Variants in DLG2 observed in about 807,000 individuals in gnomAD.
DLG2 encodes the protein disks large homolog 2.
DLG2 carries 45 observed loss-of-function variants against 132.5 expected under a neutral mutation model. The observed-to-expected ratio is 0.34, with a 90% CI of 0.27 to 0.44. The LOEUF (loss-of-function observed/expected upper bound fraction) is 0.44, where lower values mean the gene tolerates loss of function less well. DLG2 is among the 20% of genes least tolerant of loss of function. The pLI, the probability that DLG2 is intolerant of heterozygous loss-of-function variation, is 1.00. For synonymous variants in DLG2, 424 were observed against 419.6 expected (o/e 1.01, Z -0.13); for missense variants, 1,045 against 1,196.9 (o/e 0.87, Z 1.87).
intron 8 of DLG2, among the ~76,000 whole-genome samples, chr11:84,229,485 C>T (rs1214404595): frequency 1.3e-5 from 2 of 152,116 alleles, no homozygotes; most frequent in South Asian, 2.1e-4. Context: ...ATTGATGTAG[C>T]GTTGTGATAT....
chr11:84,706,968 T>C (rs1162862531), intron 6 of DLG2, among the ~76,000 whole-genome samples: 1 of 151,828 alleles, frequency 6.6e-6, no homozygotes, highest in Non-Finnish European at 1.5e-5. Flanking sequence ...GGGAGACTTG[T>C]ACACCAATGC....
intron 11 of DLG2, among the ~76,000 whole-genome samples, chr11:84,019,818 A>T (rs1249722766): frequency 6.6e-6 from 1 of 152,210 alleles, no homozygotes; most frequent in Non-Finnish European, 1.5e-5. Flanking sequence ...GTCATGGAAC[A>T]GATTCTCTCT....
chr11:84,435,971 G>A (rs2098999425), intron 7 of DLG2, among the ~76,000 whole-genome samples: 1 of 152,034 alleles, frequency 6.6e-6, no homozygotes, highest in Non-Finnish European at 1.5e-5. Context: ...TTTATAGGAA[G>A]AAAGGACTTT....
intron 7 of DLG2, among the ~76,000 whole-genome samples, chr11:84,379,465 T>C (rs1216859258): frequency 6.6e-6 from 1 of 151,896 alleles, no homozygotes; most frequent in African/African-American, 2.4e-5. Context: ...GAAAACTAGA[T>C]CTCAGGAAAT....
chr11:83,652,280 G>T (rs1357093879), intron 18 of DLG2, among the ~76,000 whole-genome samples: 1 of 152,126 alleles, frequency 6.6e-6, no homozygotes, highest in Non-Finnish European at 1.5e-5. Context: ...TGAAAAGGGG[G>T]AGAGGAACAA....
At chr11:84,714,131 TTC>T (rs2060743481) in intron 6 of DLG2, among the ~76,000 whole-genome samples, 1 of 151,898 alleles carries the variant, frequency 6.6e-6, no homozygotes, top group South Asian at 2.1e-4. Flanking sequence ...TTTTTTGAAT[TTC>T]TGTTTTTTTC....
At chr11:83,836,937 G>A (rs1272168379) in intron 16 of DLG2, among the ~76,000 whole-genome samples, 3 of 152,072 alleles carry the variant, frequency 2.0e-5, no homozygotes, top group Admixed American at 6.5e-5. Flanking sequence ...GAGACACAGA[G>A]CATTCACCTC....
chr11:84,591,979 G>T (rs1299598390), intron 6 of DLG2, among the ~76,000 whole-genome samples: 1 of 152,086 alleles, frequency 6.6e-6, no homozygotes, highest in Non-Finnish European at 1.5e-5. Context: ...TCAGCCTCCT[G>T]AGTAGCTGGG....
chr11:85,334,418 T>C (rs2081988530), intron 3 of DLG2, among the ~76,000 whole-genome samples: 1 of 152,126 alleles, frequency 6.6e-6, no homozygotes, highest in East Asian at 1.9e-4. Flanking sequence ...TAAATTTTCA[T>C]GTCTCAATTT....
intron 6 of DLG2, among the ~76,000 whole-genome samples, chr11:84,560,111 A>G (rs918277479): frequency 6.6e-6 from 1 of 152,110 alleles, no homozygotes; most frequent in African/African-American, 2.4e-5. Context: ...ATTCTTTTAT[A>G]TAATACTAGC....
At chr11:83,772,584 AAAG>A (rs1466283036) in intron 18 of DLG2, among the ~76,000 whole-genome samples, 2 of 151,736 alleles carry the variant, frequency 1.3e-5, no homozygotes, top group Non-Finnish European at 2.9e-5. Flanking sequence ...GAAAGAAAGA[AAAG>A]AGAGAGAGGA....
At chr11:84,356,540 G>C (rs1372028579) in intron 7 of DLG2, among the ~76,000 whole-genome samples, 3 of 152,050 alleles carry the variant, frequency 2.0e-5, no homozygotes, top group Admixed American at 1.3e-4. Context: ...CATAATGGCT[G>C]TGTGCCTTAT....
chr11:84,331,057 T>C (rs527964799), intron 7 of DLG2, among the ~76,000 whole-genome samples: 4 of 152,192 alleles, frequency 2.6e-5, no homozygotes, highest in Non-Finnish European at 5.9e-5. Context: ...TAAATGAATA[T>C]AAAATTTTTG....
At chr11:85,431,286 G>T (rs2091165395) in intron 3 of DLG2, among the ~76,000 whole-genome samples, 1 of 152,148 alleles carries the variant, frequency 6.6e-6, no homozygotes, top group South Asian at 2.1e-4. Flanking sequence ...CCAGTGTGGT[G>T]CAGTGGACCA....
intron 7 of DLG2, among the ~76,000 whole-genome samples, chr11:84,252,140 CTTTTTTTT>C (rs1176873990): frequency 1.8e-4 from 12 of 65,354 alleles, no homozygotes; most frequent in South Asian, 1.6e-3. Flanking sequence ...TTCTTTCTTT[CTTTTTTTT>C]TTTTTTTTTT....
At chr11:83,633,631 T>C (rs973496112) in intron 18 of DLG2, among the ~76,000 whole-genome samples, 4 of 152,062 alleles carry the variant, frequency 2.6e-5, no homozygotes, top group East Asian at 3.9e-4. Context: ...GGGAGGTAGA[T>C]GTGGTTATAA....
At chr11:83,810,044 T>G (rs1457637307) in intron 17 of DLG2, among the ~76,000 whole-genome samples, 1 of 152,148 alleles carries the variant, frequency 6.6e-6, no homozygotes, top group East Asian at 1.9e-4. Flanking sequence ...ACCAACAAAT[T>G]GTATAAACTA....
intron 7 of DLG2, among the ~76,000 whole-genome samples, chr11:84,450,607 C>T (rs888996476): frequency 1.3e-5 from 2 of 150,816 alleles, no homozygotes; most frequent in African/African-American, 4.9e-5. Flanking sequence ...TAATGGGGGC[C>T]TTAATTAGGG....
chr11:85,355,265 T>C (rs1311549745), intron 3 of DLG2, among the ~76,000 whole-genome samples: 1 of 152,208 alleles, frequency 6.6e-6, no homozygotes, highest in East Asian at 1.9e-4. Flanking sequence ...TTAGCACTTT[T>C]ATTGAAATTA....
Sources: gnomAD v4.1 joint callset for allele counts (sites outside exome capture counted in the v4.1 genomes callset) on GRCh38, gnomAD v4.1.1 for gene constraint, MANE v1.5 for transcripts, NCBI Gene and HGNC (gene_info 2026-07-23, HGNC 2026-07-21) for gene names.